ACACB: variants seen among roughly 807,000 people sequenced by gnomAD.
ACACB encodes the protein acetyl-CoA carboxylase 2.
ACACB carries 209 observed loss-of-function variants against 278.8 expected under a neutral mutation model. The observed-to-expected ratio is 0.75, with a 90% confidence interval of 0.67 to 0.84. The LOEUF (loss-of-function observed/expected upper bound fraction) is 0.84, where lower values mean the gene tolerates loss of function less well. Ranked by LOEUF, ACACB falls within the 40% of genes least tolerant of loss-of-function variation. The probability of loss-of-function intolerance (pLI) is 0.00; values close to 1 mark genes in which losing one functional copy is unlikely to be tolerated. For missense variants in ACACB, 2,850 were observed against 3,269.0 expected (o/e 0.87, Z 3.13); for synonymous variants, 1,174 against 1,285.6 (o/e 0.91, Z 1.86).
chr12:109,210,438 CAT>C (rs1299595007), intron 21 of ACACB, among the ~76,000 whole-genome samples: 23 of 120,238 alleles, frequency 1.9e-4, no homozygotes, highest in South Asian at 5.1e-4. Context: ...TATACACGCA[CAT>C]ACATGTGTAT....
intron 16 of ACACB, among the ~76,000 whole-genome samples, chr12:109,196,070 A>T (rs1483767779): frequency 6.6e-6 from 1 of 152,134 alleles, no homozygotes; most frequent in African/African-American, 2.4e-5. Flanking sequence ...CTTGTGTCAT[A>T]AACTGTGAAT....
chr12:109,250,663 A>G (rs2047070038), intron 41 of ACACB, among the ~76,000 whole-genome samples: 1 of 152,146 alleles, frequency 6.6e-6, no homozygotes, highest in Non-Finnish European at 1.5e-5. Context: ...TAGTAGTACT[A>G]GTAGTAATTC....
chr12:109,133,851 ATATATATATATATTTTT>A (rs1276926678), intron 1 of ACACB, among the ~76,000 whole-genome samples: 2 of 80,632 alleles, frequency 2.5e-5, no homozygotes, highest in South Asian at 3.3e-4. Context: ...ATATATATAT[ATATATATATATATTTTT>A]TTTTTTTTTT....
rs201240216 is a variant in ACACB, at chr12:109,239,380, G to A, written c.4663-450G>A. On this transcript the variant is annotated intron_variant, in intron 34 of 52. Coordinates refer to ENST00000338432, the MANE Select transcript of ACACB (RefSeq NM_001093.4). ...CTCTGGGGTTGGTCAGGCAGCAGAG[G>A]GACAGAGGGGAAGACATGGAAGACG... is the stretch of plus-strand genomic sequence containing the variant. Among the ~76,000 whole-genome samples, 8 of 152,188 alleles carry A rather than the reference G, an allele frequency of 5.3e-5. No homozygotes were observed. The East Asian group carries it at 1.5e-3, about 29-fold the overall frequency.
Position 109,133,954 on chromosome 12 carries a change from G to C in ACACB, c.-9-5443G>C, listed in dbSNP as rs1185346658. On this transcript the variant is annotated intron_variant, in intron 1 of 52. Coordinates refer to ENST00000338432, the MANE Select transcript of ACACB (RefSeq NM_001093.4). Reference sequence around the variant, plus strand: ...GTTTTTTTGAGACAGGATCTCACTTGGTTGCCCAGGCTGGAGTGCATTGGT... The same window carrying C: ...GTTTTTTTGAGACAGGATCTCACTTCGTTGCCCAGGCTGGAGTGCATTGGT... 9.0e-5 allele frequency among the ~76,000 whole-genome samples: 12 copies of C among 133,822 alleles called. No individual in the cohort carries two copies. In the Admixed American group the frequency reaches 9.2e-4, roughly 10 times the overall value. The allele number at this position is 133,822 out of a possible 152,430, so 87.8% of individuals were successfully genotyped here. A position where few individuals can be genotyped will look rare whatever the true frequency, so the allele number is the denominator to read the frequency against.
chr12:109,204,043 T>A (rs1256334158), intron 19 of ACACB, among the ~76,000 whole-genome samples: 1 of 152,160 alleles, frequency 6.6e-6, no homozygotes, highest in Non-Finnish European at 1.5e-5. Context: ...AAATTATAAT[T>A]ATTATGGGTA....
chr12:109,223,011 G>A, intron 26 of ACACB, 99 bp downstream of exon 26: 1 of 943,044 alleles, frequency 1.1e-6, no homozygotes, highest in South Asian at 1.4e-5. Context: ...CAGGTGCTCA[G>A]TGGGGTGCAG....
chr12:109,196,041 T>G (rs2045116032), intron 16 of ACACB, among the ~76,000 whole-genome samples: 1 of 152,212 alleles, frequency 6.6e-6, no homozygotes, highest in Non-Finnish European at 1.5e-5. Flanking sequence ...GCAATACACA[T>G]TCCTCTATTT....
intron 1 of ACACB, among the ~76,000 whole-genome samples, chr12:109,122,572 C>CAAAAAA (rs59516728): frequency 8.1e-5 from 5 of 61,854 alleles, no homozygotes; most frequent in African/African-American, 2.3e-4. Context: ...GACATTGTCT[C>CAAAAAA]AAAAAAAAAA....
chr12:109,122,439 T>TG (rs1423238318), intron 1 of ACACB, among the ~76,000 whole-genome samples: 20 of 152,186 alleles, frequency 1.3e-4, no homozygotes, highest in Middle Eastern at 3.4e-3. Context: ...CTGGGCGTGG[T>TG]GGCACATGCC....
chr12:109,246,033 T>C (rs749843068), intron 38 of ACACB, 146 bp from the exon 39 acceptor site: 29 of 1,016,096 alleles, frequency 2.9e-5, no homozygotes, highest in Non-Finnish European at 3.1e-5. Flanking sequence ...GAGGCTGCAA[T>C]GAGCTGTGAT....
chr12:109,216,631 A>G lies in ACACB; in HGVS notation c.3364A>G (p.Ile1122Val), dbSNP rs138522645. The G allele has an allele frequency of 6.2e-6, 10 of 1,613,832 alleles. No homozygotes were observed. The African/African-American group carries it at 1.3e-4, about 22-fold the overall frequency. ...VQLVQRYRSG[I>V]RGYMKTVVLD... ...CCTTCTCCCCAGATACCGCAGCGGG[A>G]TCCGCGGCTATATGAAAACAGTGGT... The change falls in exon 23 of 53, where the codon ATC (isoleucine) becomes GTC (valine). Residue 1122 changes from isoleucine (I) to valine (V), a missense_variant. Transcript: ENST00000338432.
chr12:109,136,185 T>G (rs2136005054), intron 1 of ACACB, among the ~76,000 whole-genome samples: 1 of 152,342 alleles, frequency 6.6e-6, no homozygotes, highest in Admixed American at 6.5e-5. Flanking sequence ...GATGTATAGG[T>G]TTCTATTCCA....
intron 24 of ACACB, among the ~76,000 whole-genome samples, chr12:109,219,008 C>A (rs1340873476): frequency 6.6e-6 from 1 of 152,108 alleles, no homozygotes; most frequent in African/African-American, 2.4e-5. Context: ...CTCAGGTGAT[C>A]CACCAGCCTC....
At chr12:109,178,396 G>T (rs1342599210) in intron 9 of ACACB, among the ~76,000 whole-genome samples, 1 of 152,152 alleles carries the variant, frequency 6.6e-6, no homozygotes, top group Non-Finnish European at 1.5e-5. Flanking sequence ...GTAAGTGGAA[G>T]AAAAAGACAA....
intron 2 of ACACB, among the ~76,000 whole-genome samples, chr12:109,150,714 A>T (rs1256997296): frequency 1.3e-5 from 2 of 152,202 alleles, no homozygotes. Context: ...GTGGGCTTGC[A>T]GTGCAGCCTC....
Position 109,196,927 on chromosome 12 carries a change from T to C in ACACB, c.2482-81T>C, listed in dbSNP as rs1396305793. 2.8e-6 allele frequency: 4 copies of C among 1,412,174 alleles called. No homozygotes were observed. The African/African-American group carries it at 6.0e-5, about 21-fold the overall frequency. 87.5% of individuals were successfully genotyped at this position (1,412,174 alleles called of 1,614,324 possible). On this transcript the variant is annotated intron_variant, in intron 16 of 52. Coordinates refer to ENST00000338432, the MANE Select transcript of ACACB (RefSeq NM_001093.4). Reference sequence around the variant, plus strand: ...GCCCTCTGTGGTGGACAACCAGCTCTTGTTTGTTGTTAGCGGGGCCCAGCA... The same window carrying C: ...GCCCTCTGTGGTGGACAACCAGCTCCTGTTTGTTGTTAGCGGGGCCCAGCA...
In ACACB at chr12:109,264,248, C is replaced by G. The variant is rs757703703; in HGVS notation, c.6804C>G (p.Ser2268=). Reference sequence around the variant, plus strand: ...CACCTGCAGGGGAACCTGATCTCTCCGACAAGGACCGAAAGGACCTGGAGG... The same window carrying G: ...CACCTGCAGGGGAACCTGATCTCTCGGACAAGGACCGAAAGGACCTGGAGG... The part of the protein sequence containing the change: ...LMEQLGEPDL[S]DKDRKDLEGR... The change falls in exon 50 of 53, where the codon TCC becomes TCG. Residue 2268 remains serine (S), a synonymous_variant. Transcript: ENST00000338432. 20 of 1,614,152 alleles carry G rather than the reference C, an allele frequency of 1.2e-5. No individual in the cohort carries two copies. The highest frequency in any genetic ancestry group is 1.6e-5 in the Non-Finnish European group (19 of 1,180,022).
In ACACB at chr12:109,260,646, C is replaced by A; in HGVS notation, c.6663C>A (p.Asp2221Glu). The change falls in exon 48 of 53, where the codon GAC (aspartate) becomes GAA (glutamate). Residue 2221 changes from aspartate to glutamate, a missense_variant. Asp to Glu is a conservative substitution (Grantham distance 45). Coordinates refer to ENST00000338432, the MANE Select transcript of ACACB (RefSeq NM_001093.4). Reference sequence around the variant, plus strand: ...CGCTGTGCATAGAAATGTATGCAGACAAAGAGAGCAGGTGGGTGTGTTGCC... The same window carrying A: ...CGCTGTGCATAGAAATGTATGCAGAAAAAGAGAGCAGGTGGGTGTGTTGCC... Reference protein sequence around the residue: ...INPLCIEMYADKESRGGVLEP... With the variant: ...INPLCIEMYAEKESRGGVLEP... 1 of 1,577,708 alleles carries A rather than the reference C, an allele frequency of 6.3e-7. No homozygotes were observed. The highest frequency in any genetic ancestry group is 8.6e-7 in the Non-Finnish European group (1 of 1,162,728).
Sources: allele counts gnomAD v4.1 joint callset (sites outside exome capture counted in the v4.1 genomes callset), GRCh38; gene constraint gnomAD v4.1.1; transcripts MANE v1.5; gene names NCBI Gene and HGNC (gene_info 2026-07-23, HGNC 2026-07-21).